The following AP4S1 variants were observed in gnomAD, a reference collection of about 807,000 sequenced individuals.
The protein encoded by AP4S1 is AP-4 complex subunit sigma-1.
A neutral mutation model predicts 19.8 loss-of-function variants in AP4S1; 23 were observed. That is an observed-to-expected ratio of 1.16 (90% CI 0.84 to 1.65). AP4S1 has a LOEUF of 1.65. Ranked by LOEUF, AP4S1 falls within the 40% of genes most tolerant of loss-of-function variation. AP4S1 has a pLI of 0.00. For missense variants in AP4S1, 166 were observed against 172.8 expected, an observed-to-expected ratio of 0.96 and a Z score of 0.22; for synonymous variants, 46 against 54.1, an observed-to-expected ratio of 0.85 and a Z score of 0.66.
Position 31,094,810 on chromosome 14 carries a change from T to A in AP4S1, c.*1775T>A, listed in dbSNP as rs1319288770. On this transcript the variant is annotated 3_prime_UTR_variant, in exon 6 of 6. Transcript: ENST00000542754. ...CAGGCAGATCACTTGAGGTCAGGAG[T>A]TTGAAACCAGCCTGGCCAACATGGC... 1 of 152,204 alleles carries A rather than the reference T, an allele frequency of 6.6e-6. No individual in the cohort carries two copies. Among genetic ancestry groups the A allele is most frequent in the Non-Finnish European group, 1.5e-5 (1 of 68,124 alleles). The allele number at this position is 152,204 out of a possible 1,614,324, so 9.4% of individuals were successfully genotyped here.
At chr14:31,088,678 C>T (rs561867824) in intron 5 of AP4S1, among the ~76,000 whole-genome samples, 78 of 151,686 alleles carry the variant, frequency 5.1e-4, no homozygotes, top group Admixed American at 9.2e-4. Flanking sequence ...CGTGGTGGCA[C>T]GCACCAGTAA....
Position 31,076,139 on chromosome 14 carries a change from G to A in AP4S1, c.294+3166G>A, listed in dbSNP as rs143248811. Reference sequence around the variant, plus strand: ...TGCTCATATGAACATTCATGGATGCGTTTTTGCATAGAACCATGCTTTCAG... The same window carrying A: ...TGCTCATATGAACATTCATGGATGCATTTTTGCATAGAACCATGCTTTCAG... On this transcript the variant is annotated intron_variant, in intron 4 of 5. Coordinates refer to ENST00000542754, the MANE Select transcript of AP4S1 (RefSeq NM_001128126.3). Among the ~76,000 whole-genome samples, 42 of 152,270 alleles carry A rather than the reference G, an allele frequency of 2.8e-4. 1 individual carries two copies. The highest frequency in any genetic ancestry group is 4.1e-4 in the South Asian group (2 of 4,824).
chr14:31,090,660 T>C (rs903073255), intron 5 of AP4S1, among the ~76,000 whole-genome samples: 3 of 152,270 alleles, frequency 2.0e-5, no homozygotes, highest in African/African-American at 7.2e-5. Flanking sequence ...GTTTATTCCA[T>C]GGGCTTAGCA....
At chr14:31,075,133 A>C (rs1305781921) in intron 4 of AP4S1, among the ~76,000 whole-genome samples, 1 of 152,150 alleles carries the variant, frequency 6.6e-6, no homozygotes, top group Non-Finnish European at 1.5e-5. Flanking sequence ...TATTTCTTCT[A>C]TCTAATTGCA....
chr14:31,039,230 G>C (rs966255426), intron 1 of AP4S1, among the ~76,000 whole-genome samples: 1 of 151,836 alleles, frequency 6.6e-6, no homozygotes. Context: ...CTGTCGCCTA[G>C]GCTGGAGTGC....
chr14:31,045,999 T>A (rs956053924), intron 1 of AP4S1, among the ~76,000 whole-genome samples: 3 of 146,386 alleles, frequency 2.0e-5, no homozygotes, highest in Non-Finnish European at 4.5e-5. Context: ...GGAGTTTCAC[T>A]CTTGTTGCCC....
At chr14:31,066,430 A>G (rs891528385) in intron 2 of AP4S1, 96 bp downstream of exon 2, 218 of 1,498,198 alleles carry the variant, frequency 1.5e-4, no homozygotes, top group Non-Finnish European at 3.6e-5. Flanking sequence ...TCTTTGAGCT[A>G]TATTCCTTCA....
intron 2 of AP4S1, among the ~76,000 whole-genome samples, chr14:31,067,572 T>C (rs920397833): frequency 6.7e-6 from 1 of 150,188 alleles, no homozygotes; most frequent in African/African-American, 2.4e-5. Flanking sequence ...TGGAGTGCAG[T>C]GATGCCATCT....
chr14:31,073,352 T>A (rs548736501), intron 4 of AP4S1, among the ~76,000 whole-genome samples: 3 of 135,196 alleles, frequency 2.2e-5, no homozygotes, highest in Admixed American at 7.9e-5. Context: ...TAGCTGGGCG[T>A]GGTGGTGGGC....
chr14:31,030,431 C>G (rs1884321729), intron 1 of AP4S1, among the ~76,000 whole-genome samples: 1 of 152,160 alleles, frequency 6.6e-6, no homozygotes, highest in Non-Finnish European at 1.5e-5. Flanking sequence ...TGATCTTAAA[C>G]TCCTGGGCTC....
chr14:31,080,423 G>A (rs759130149), intron 4 of AP4S1, 150 bp from the exon 5 acceptor site: 4 of 679,384 alleles, frequency 5.9e-6, no homozygotes, highest in Non-Finnish European at 1.1e-5. Context: ...TAGGGCCTTG[G>A]CAGAGTCAGA....
At chr14:31,035,455 T>G (rs1439361224) in intron 1 of AP4S1, among the ~76,000 whole-genome samples, 1 of 151,828 alleles carries the variant, frequency 6.6e-6, no homozygotes, top group African/African-American at 2.4e-5. Context: ...CCTCCCAAAG[T>G]GCTAGGATTA....
intron 1 of AP4S1, among the ~76,000 whole-genome samples, chr14:31,047,013 T>C (rs991317172): frequency 4.6e-5 from 7 of 152,340 alleles, no homozygotes; most frequent in Non-Finnish European, 2.9e-5. Context: ...CATTTGTTAC[T>C]GTCTGCCTTT....
At chr14:31,085,407 G>T (rs1448964542) in intron 5 of AP4S1, 3 of 987,620 alleles carry the variant, frequency 3.0e-6, no homozygotes, top group Non-Finnish European at 3.6e-6. Flanking sequence ...TTGTATTCTT[G>T]TGAGGCACAA....
Position 31,066,194 on chromosome 14 carries a change from A to G in AP4S1, c.-3A>G. 6.2e-7 allele frequency: 1 copy of G among 1,613,924 alleles called. No homozygotes were observed. Among genetic ancestry groups the G allele is most frequent in the Non-Finnish European group, 8.5e-7 (1 of 1,179,950 alleles). On this transcript the variant is annotated 5_prime_UTR_variant, in exon 2 of 6. Coordinates refer to ENST00000542754, the MANE Select transcript of AP4S1 (RefSeq NM_001128126.3). ...TTGGAAAAATACTGGCCAGGAAAGAAAAATGATAAAATTTTTCCTCATGGT... is the reference window on the plus strand; with the variant it reads ...TTGGAAAAATACTGGCCAGGAAAGAGAAATGATAAAATTTTTCCTCATGGT...
chr14:31,038,192 G>A (rs1225271177), intron 1 of AP4S1, among the ~76,000 whole-genome samples: 1 of 152,160 alleles, frequency 6.6e-6, no homozygotes, highest in East Asian at 1.9e-4. Flanking sequence ...ATTGCAAGTG[G>A]AAAGAGTGAT....
intron 1 of AP4S1, chr14:31,033,064 G>A (rs1001770527): frequency 5.3e-5 from 8 of 152,134 alleles, no homozygotes; most frequent in Admixed American, 2.0e-4. Context: ...TGTGTATTTG[G>A]AAACTAGAAA....
intron 1 of AP4S1, among the ~76,000 whole-genome samples, chr14:31,036,403 TA>T (rs1884778270): frequency 6.6e-6 from 1 of 152,144 alleles, no homozygotes; most frequent in East Asian, 1.9e-4. Context: ...ATTAAGTGTT[TA>T]TTTTTTATTT....
intron 1 of AP4S1, among the ~76,000 whole-genome samples, chr14:31,031,466 AT>A (rs1884382626): frequency 6.6e-6 from 1 of 152,036 alleles, no homozygotes; most frequent in Non-Finnish European, 1.5e-5. Flanking sequence ...TAATATGAAT[AT>A]TTTTTCGTCA....
Sources: gnomAD v4.1 joint callset for allele counts (sites outside exome capture counted in the v4.1 genomes callset) on GRCh38, gnomAD v4.1.1 for gene constraint, MANE v1.5 for transcripts, NCBI Gene and HGNC (gene_info 2026-07-23, HGNC 2026-07-21) for gene names.